STXBP5L: variants seen among roughly 807,000 people sequenced by gnomAD.
The protein encoded by STXBP5L is syntaxin binding protein 5L, also known as syntaxin-binding protein 5-like.
In STXBP5L, 65 loss-of-function variants were observed where a neutral mutation model predicts 144.5. That is an observed-to-expected ratio of 0.45 (90% CI 0.37 to 0.55). The LOEUF (loss-of-function observed/expected upper bound fraction) is 0.55. Ranked by LOEUF, STXBP5L falls within the 20% of genes least tolerant of loss-of-function variation. STXBP5L has a pLI of 0.00. For missense variants in STXBP5L, 1,298 were observed against 1,405.5 expected (o/e 0.92, Z 1.22); for synonymous variants, 505 against 469.6 (o/e 1.08, Z -0.97).
chr3:121,080,066 A>C (rs12639266), intron 5 of STXBP5L, among the ~76,000 whole-genome samples: 15,128 of 152,152 alleles, frequency 0.099, 1,186 homozygotes, highest in Admixed American at 0.2. Flanking sequence ...TCCTTTTATC[A>C]TTATATAATG....
At chr3:120,976,885 T>A (rs1941098203) in intron 3 of STXBP5L, among the ~76,000 whole-genome samples, 1 of 152,072 alleles carries the variant, frequency 6.6e-6, no homozygotes, top group Non-Finnish European at 1.5e-5. Context: ...TGAGTTTTAG[T>A]TTGATTGCAC....
At chr3:121,004,375 G>A (rs1944074828) in intron 3 of STXBP5L, among the ~76,000 whole-genome samples, 1 of 152,074 alleles carries the variant, frequency 6.6e-6, no homozygotes, top group African/African-American at 2.4e-5. Context: ...GTATAAGAAT[G>A]CCTGTGATTT....
At chr3:121,335,844 T>C (rs1048286461) in intron 20 of STXBP5L, among the ~76,000 whole-genome samples, 1 of 152,150 alleles carries the variant, frequency 6.6e-6, no homozygotes, top group Non-Finnish European at 1.5e-5. Context: ...AGTATCATTC[T>C]GGACATAGAA....
chr3:121,004,013 G>A (rs1399884845), intron 3 of STXBP5L, among the ~76,000 whole-genome samples: 2 of 152,034 alleles, frequency 1.3e-5, no homozygotes, highest in East Asian at 1.9e-4. Context: ...TTTTGGCTTA[G>A]GATTGACTTG....
Position 121,378,890 on chromosome 3 carries a change from T to C in STXBP5L, c.2347+4T>C. On this transcript the variant is annotated splice_donor_region_variant and intron_variant, in intron 21 of 26. Transcript: ENST00000471454. Reference sequence around the variant, plus strand: ...TCTTTACCAGTTACAACAGAAGGTATGTTAAACATATTAAATTTTTTTGTT... The same window carrying C: ...TCTTTACCAGTTACAACAGAAGGTACGTTAAACATATTAAATTTTTTTGTT... The C allele has an allele frequency of 6.2e-7, 1 of 1,603,792 alleles. No homozygotes were observed. The highest frequency in any genetic ancestry group is 8.5e-7 in the Non-Finnish European group (1 of 1,174,712).
Position 121,424,150 on chromosome 3 carries a change from T to C in STXBP5L, c.*5053T>C, listed in dbSNP as rs2047411184. 1 of 152,238 alleles carries C rather than the reference T, an allele frequency of 6.6e-6. No homozygotes were observed. The highest frequency in any genetic ancestry group is 1.5e-5 in the Non-Finnish European group (1 of 68,030). 9.4% of individuals were successfully genotyped at this position (152,238 alleles called of 1,614,324 possible). ...ATTCATTCTTCTTCTGGAGGAGACA[T>C]GGGTACCAGGTACCTGTTCTGCTGT... On this transcript the variant is annotated 3_prime_UTR_variant, in exon 27 of 27. Transcript: ENST00000471454.
At chr3:121,201,429 C>T (rs2048134245) in intron 9 of STXBP5L, among the ~76,000 whole-genome samples, 1 of 152,126 alleles carries the variant, frequency 6.6e-6, no homozygotes. Context: ...AGATGGGTCT[C>T]CTGATGCAGC....
intron 14 of STXBP5L, among the ~76,000 whole-genome samples, chr3:121,243,543 A>C (rs1559899122): frequency 2.0e-5 from 2 of 101,398 alleles, no homozygotes; most frequent in East Asian, 2.7e-4. Flanking sequence ...TCAAAGAGAC[A>C]AAAAAAAAAA....
intron 19 of STXBP5L, among the ~76,000 whole-genome samples, chr3:121,314,477 C>T (rs762605481): frequency 0.12 from 16,563 of 142,394 alleles, 996 homozygotes; most frequent in Non-Finnish European, 0.13. Context: ...CGCCTGCAAT[C>T]GCAGGCACTC....
intron 3 of STXBP5L, among the ~76,000 whole-genome samples, chr3:120,958,859 C>T (rs1322503579): frequency 6.6e-6 from 1 of 152,228 alleles, no homozygotes; most frequent in Non-Finnish European, 1.5e-5. Context: ...CAGGGATGCC[C>T]TCTCTCACCA....
chr3:120,930,164 CTTT>C (rs140390258), intron 2 of STXBP5L, among the ~76,000 whole-genome samples: 199 of 136,008 alleles, frequency 1.5e-3, no homozygotes, highest in African/African-American at 4.8e-3. Context: ...TTTCTATTTT[CTTT>C]TTTTTTTTTT....
At chr3:121,007,968 A>G (rs1050957476) in intron 3 of STXBP5L, among the ~76,000 whole-genome samples, 4 of 152,120 alleles carry the variant, frequency 2.6e-5, no homozygotes, top group East Asian at 1.9e-4. Context: ...AAAAAACTAT[A>G]CTTTCCTGCT....
At chr3:121,339,364 G>A (rs2044623937) in intron 20 of STXBP5L, among the ~76,000 whole-genome samples, 1 of 151,698 alleles carries the variant, frequency 6.6e-6, no homozygotes, top group Non-Finnish European at 1.5e-5. Flanking sequence ...ATAAAATACA[G>A]CATCCTTTTA....
chr3:121,094,348 A>G (rs902261693), intron 5 of STXBP5L, among the ~76,000 whole-genome samples: 1 of 152,052 alleles, frequency 6.6e-6, no homozygotes, highest in Non-Finnish European at 1.5e-5. Context: ...TGTCTCGTTG[A>G]TCTGTCTAAT....
At chr3:121,280,297 A>G (rs1347037778) in intron 19 of STXBP5L, among the ~76,000 whole-genome samples, 1 of 151,894 alleles carries the variant, frequency 6.6e-6, no homozygotes, top group Non-Finnish European at 1.5e-5. Flanking sequence ...ACTGCTTGCA[A>G]TGGTTGTGTC....
chr3:121,298,008 G>T (rs577578134), intron 19 of STXBP5L, among the ~76,000 whole-genome samples: 1 of 152,312 alleles, frequency 6.6e-6, no homozygotes, highest in South Asian at 2.1e-4. Flanking sequence ...AAGTAGGATT[G>T]CTGGATCATA....
chr3:120,974,772 T>A (rs1165697242), intron 3 of STXBP5L, among the ~76,000 whole-genome samples: 2 of 152,234 alleles, frequency 1.3e-5, no homozygotes, highest in Non-Finnish European at 2.9e-5. Context: ...GCTAGCCAGT[T>A]TTCCCAGCAC....
At chr3:121,352,760 G>A (rs147588375) in intron 20 of STXBP5L, among the ~76,000 whole-genome samples, 161 of 151,730 alleles carry the variant, frequency 1.1e-3, no homozygotes, top group Non-Finnish European at 2.0e-3. Context: ...GTCTTGTGCT[G>A]GTTTTCAAAG....
intron 6 of STXBP5L, among the ~76,000 whole-genome samples, chr3:121,119,866 C>T (rs1231224455): frequency 6.6e-6 from 1 of 151,228 alleles, no homozygotes; most frequent in Non-Finnish European, 1.5e-5. Context: ...TCTGAAAAAG[C>T]AACTACAAAT....
Sources: gnomAD v4.1 joint callset for allele counts (sites outside exome capture counted in the v4.1 genomes callset) on GRCh38, gnomAD v4.1.1 for gene constraint, MANE v1.5 for transcripts, NCBI Gene and HGNC (gene_info 2026-07-23, HGNC 2026-07-21) for gene names.